Variants in ADGRF5 observed in about 807,000 individuals in gnomAD.
ADGRF5 encodes the protein G-protein coupled receptor 116.
A neutral mutation model predicts 132.3 loss-of-function variants in ADGRF5; 75 were observed. The observed-to-expected ratio is 0.57, with a 90% CI of 0.47 to 0.69. ADGRF5 has a LOEUF of 0.69. ADGRF5 is among the 30% of genes least tolerant of loss of function. ADGRF5 has a pLI of 0.00. For missense variants in ADGRF5, 1,516 were observed against 1,630.6 expected (o/e 0.93, Z 1.21); for synonymous variants, 629 against 597.6 (o/e 1.05, Z -0.77).
At position 46,858,970 on chromosome 6, in the gene ADGRF5, CCTT is replaced by C. The variant is rs1291228860; in HGVS notation, c.2930_2932del (p.Glu977del). ...GATACAGGTGACATTGTCCCCATCA[CCTT>C]CTTCTACATAGCACCCACTGCTGTC... On this transcript the variant is annotated inframe_deletion, in exon 17 of 21. Transcript: ENST00000283296. The C allele has an allele frequency of 1.2e-6, 2 of 1,614,006 alleles. No homozygotes were observed. Among genetic ancestry groups the C allele is most frequent in the Non-Finnish European group, 1.7e-6 (2 of 1,179,928 alleles).
At chr6:46,866,045 T>C (rs1770379652) in intron 13 of ADGRF5, among the ~76,000 whole-genome samples, 1 of 152,170 alleles carries the variant, frequency 6.6e-6, no homozygotes, top group Non-Finnish European at 1.5e-5. Flanking sequence ...CCTTAATCTC[T>C]GGGAATCCCT....
chr6:46,936,364 G>C (rs1407946230), intron 1 of ADGRF5, among the ~76,000 whole-genome samples: 1 of 152,176 alleles, frequency 6.6e-6, no homozygotes, highest in Non-Finnish European at 1.5e-5. Flanking sequence ...GGTCCTTACT[G>C]TATCTTCTCT....
At chr6:46,883,462 A>G (rs894753309) in intron 6 of ADGRF5, 97 bp downstream of exon 6, 3 of 675,278 alleles carry the variant, frequency 4.4e-6, no homozygotes, top group Non-Finnish European at 7.9e-6. Flanking sequence ...ACATCCGTAA[A>G]TTCTGACAGA....
intron 9 of ADGRF5, among the ~76,000 whole-genome samples, chr6:46,879,053 G>C (rs534802418): frequency 6.6e-6 from 1 of 152,192 alleles, no homozygotes; most frequent in Non-Finnish European, 1.5e-5. Flanking sequence ...TTGTAGTAAT[G>C]ATTTCACAGG....
At chr6:46,887,579 C>T (rs1483093725) in intron 4 of ADGRF5, among the ~76,000 whole-genome samples, 1 of 152,192 alleles carries the variant, frequency 6.6e-6, no homozygotes, top group African/African-American at 2.4e-5. Context: ...CATGTACCGA[C>T]ATTGGGATGG....
chr6:46,911,843 A>G (rs1775980135), intron 1 of ADGRF5, among the ~76,000 whole-genome samples: 1 of 152,176 alleles, frequency 6.6e-6, no homozygotes, highest in Non-Finnish European at 1.5e-5. Flanking sequence ...TGTCTCCATG[A>G]AGCTTAAAGT....
chr6:46,918,562 C>G (rs922535181), intron 1 of ADGRF5, among the ~76,000 whole-genome samples: 6 of 152,192 alleles, frequency 3.9e-5, no homozygotes, highest in African/African-American at 1.4e-4. Flanking sequence ...AAAGTATGAT[C>G]TGATAGTCAT....
Position 46,884,299 on chromosome 6 carries a change from G to A in ADGRF5, c.329-28C>T, listed in dbSNP as rs1213538363. The A allele has an allele frequency of 3.9e-6, 6 of 1,525,124 alleles. No individual in the cohort carries two copies. In the East Asian group the frequency reaches 1.4e-4, roughly 35 times the overall value. 94.5% of individuals were successfully genotyped at this position (1,525,124 alleles called of 1,614,324 possible). On this transcript the variant is annotated intron_variant, in intron 4 of 20. Transcript: ENST00000283296. ...ATCGTTAATCAGAACAGCAAGGAGA[G>A]AGAAGGTGGAGAAGGTGGTCACCAT...
chr6:46,870,402 T>C (rs572097505), intron 11 of ADGRF5, among the ~76,000 whole-genome samples: 1 of 152,226 alleles, frequency 6.6e-6, no homozygotes, highest in South Asian at 2.1e-4. Context: ...TTAAGCCATC[T>C]GCTCACCTTG....
At chr6:46,861,195 C>T (rs1280626183) in intron 15 of ADGRF5, among the ~76,000 whole-genome samples, 1 of 152,142 alleles carries the variant, frequency 6.6e-6, no homozygotes, top group Non-Finnish European at 1.5e-5. Context: ...AAGTTGGGTG[C>T]AATGGTCACT....
rs192492603 is a variant in ADGRF5 at position 46,907,480 on chromosome 6, C to A, written c.-24-694G>T. ...TCAGCCTCCCAAAGTGCCAGGATTA[C>A]AGACGTAAGTCATCATGCCTGGCCT... On this transcript the variant is annotated intron_variant, in intron 1 of 20. Transcript: ENST00000283296. Among the ~76,000 whole-genome samples the A allele has an allele frequency of 2.0e-4, 31 of 152,180 alleles. No homozygotes were observed. In the East Asian group the frequency reaches 5.4e-3, roughly 27 times the overall value.
intron 1 of ADGRF5, among the ~76,000 whole-genome samples, chr6:46,913,006 C>G (rs972243904): frequency 6.6e-6 from 1 of 152,174 alleles, no homozygotes; most frequent in Non-Finnish European, 1.5e-5. Flanking sequence ...TCCATTGCAT[C>G]CTTGCAACAT....
chr6:46,867,355 T>TGG (rs756226544), intron 12 of ADGRF5, among the ~76,000 whole-genome samples: 31 of 152,348 alleles, frequency 2.0e-4, no homozygotes, highest in Non-Finnish European at 4.4e-4. Flanking sequence ...AATATGCACT[T>TGG]ACTTTCAAAT....
At chr6:46,875,021 T>A (rs1771491130) in intron 10 of ADGRF5, among the ~76,000 whole-genome samples, 1 of 152,214 alleles carries the variant, frequency 6.6e-6, no homozygotes, top group South Asian at 2.1e-4. Context: ...TTGAGAAGAC[T>A]TGCATTAGAC....
At chr6:46,857,514 T>TATAC (rs1769195466) in intron 17 of ADGRF5, among the ~76,000 whole-genome samples, 1 of 152,224 alleles carries the variant, frequency 6.6e-6, no homozygotes, top group Non-Finnish European at 1.5e-5. Flanking sequence ...GCTTGCTATC[T>TATAC]ATACCTCTGT....
rs1554129989 is a variant in ADGRF5 at position 46,941,411 on chromosome 6, G to GAAAAGAA, written c.-25+13316_-25+13322dup. Among the ~76,000 whole-genome samples, 22 of 33,260 alleles carry GAAAAGAA rather than the reference G, an allele frequency of 6.6e-4. No homozygotes were observed. The East Asian group carries it at 0.027, about 40-fold the overall frequency. The allele number at this position is 33,260 out of a possible 152,430, so 21.8% of individuals were successfully genotyped here. A position where few individuals can be genotyped will look rare whatever the true frequency, so the allele number is the denominator to read the frequency against. On this transcript the variant is annotated intron_variant, in intron 1 of 20. Transcript: ENST00000265417. The stretch of plus-strand genomic sequence containing the variant: ...ACAAAGAAAAGAAAAGAAAAGAAAA[G>GAAAAGAA]AAAAGAAAAGAAAAGAAAAGAAAAG...
At chr6:46,882,849 A>T (rs1772629947) in intron 6 of ADGRF5, among the ~76,000 whole-genome samples, 1 of 152,224 alleles carries the variant, frequency 6.6e-6, no homozygotes, top group Non-Finnish European at 1.5e-5. Context: ...TTACATGCTG[A>T]GATGAGCAGG....
intron 10 of ADGRF5, among the ~76,000 whole-genome samples, chr6:46,877,621 C>A (rs936924178): frequency 1.3e-5 from 2 of 151,832 alleles, no homozygotes; most frequent in East Asian, 1.9e-4. Context: ...GGGTGGGGAA[C>A]TTTAGGTAAG....
intron 1 of ADGRF5, among the ~76,000 whole-genome samples, chr6:46,936,250 G>A (rs1777821699): frequency 6.6e-6 from 1 of 152,202 alleles, no homozygotes; most frequent in South Asian, 2.1e-4. Context: ...TCCCTGGGAT[G>A]GGGGCTGGCT....
Sources: allele counts gnomAD v4.1 joint callset (sites outside exome capture counted in the v4.1 genomes callset), GRCh38; gene constraint gnomAD v4.1.1; transcripts MANE v1.5; gene names NCBI Gene and HGNC (gene_info 2026-07-23, HGNC 2026-07-21).